Variants in KIRREL3 observed in about 807,000 individuals in gnomAD.
KIRREL3 encodes the protein kirre like nephrin family adhesion molecule 3.
Under a neutral mutation model 89.7 loss-of-function variants are expected in KIRREL3, and 36 were observed. The observed-to-expected ratio is 0.40, with a 90% CI of 0.31 to 0.53. KIRREL3 has a LOEUF of 0.53. Among genes scored for constraint, KIRREL3 ranks in the 20% least tolerant of loss-of-function variants. The probability of loss-of-function intolerance (pLI) is 0.49; values close to 1 mark genes in which losing one functional copy is unlikely to be tolerated. For synonymous variants in KIRREL3, 445 were observed against 441.4 expected (o/e 1.01, Z -0.10); for missense variants, 864 against 1,056.6 (o/e 0.82, Z 2.53).
Position 126,563,352 on chromosome 11 carries a change from A to G in KIRREL3, c.56-440T>C, listed in dbSNP as rs150401374. 0.018 allele frequency among the ~76,000 whole-genome samples: 2,711 copies of G among 152,284 alleles called. 44 individuals carry two copies. Among genetic ancestry groups the G allele is most frequent in the Middle Eastern group, 0.041 (12 of 294 alleles). On this transcript the variant is annotated intron_variant, in intron 1 of 16. Coordinates refer to ENST00000525144, the MANE Select transcript of KIRREL3 (RefSeq NM_032531.4). The surrounding 1 kb of genome is among the most constrained non-coding windows in gnomAD (Gnocchi z 6.8). ...ACCTGCCAGGGATGATGCAGAATCT[A>G]TCCAGTCGTGTCTAGGATGGAACAG...
At chr11:126,518,893 C>T (rs55701037) in intron 4 of KIRREL3, among the ~76,000 whole-genome samples, 19,985 of 152,266 alleles carry the variant, frequency 0.13, 1,592 homozygotes, top group Middle Eastern at 0.18. Flanking sequence ...CCCAGGGAGT[C>T]AGCGAGGACT....
rs932461743 is a variant in KIRREL3, at chr11:126,623,795, A to G, written c.56-60883T>C. Among the ~76,000 whole-genome samples the G allele has an allele frequency of 2.6e-5, 4 of 152,150 alleles. No homozygotes were observed. Among genetic ancestry groups the G allele is most frequent in the African/African-American group, 9.7e-5 (4 of 41,412 alleles). On this transcript the variant is annotated intron_variant, in intron 1 of 16. Coordinates refer to ENST00000525144, the MANE Select transcript of KIRREL3 (RefSeq NM_032531.4). This position sits in a 1 kb window ranked among gnomAD's most constrained non-coding sequence, Gnocchi z 4.1. ...AAATTCTAGGTTCTCAAGAAAATAA[A>G]CAAACCAACTTACAGAAAACCCCTT...
At chr11:126,670,408 G>C (rs550348149) in intron 1 of KIRREL3, among the ~76,000 whole-genome samples, 42 of 152,258 alleles carry the variant, frequency 2.8e-4, no homozygotes, top group Non-Finnish European at 4.6e-4. Flanking sequence ...GAGAATATCT[G>C]TTCTCACCAC....
intron 4 of KIRREL3, among the ~76,000 whole-genome samples, chr11:126,488,857 G>GC (rs1192233394): frequency 2.6e-5 from 4 of 152,142 alleles, no homozygotes; most frequent in Non-Finnish European, 4.4e-5. Context: ...CAGCACCCAG[G>GC]CCTGGCCACC....
intron 1 of KIRREL3, among the ~76,000 whole-genome samples, chr11:126,907,841 T>C (rs1311081065): frequency 6.6e-6 from 1 of 152,016 alleles, no homozygotes; most frequent in East Asian, 1.9e-4. Context: ...ACTTTTGAGT[T>C]CCCCCATCAA....
Position 126,761,185 on chromosome 11 carries a change from C to T in KIRREL3, c.56-198273G>A, listed in dbSNP as rs1949656604. Among the ~76,000 whole-genome samples, 2 of 152,192 alleles carry T rather than the reference C, an allele frequency of 1.3e-5. No homozygotes were observed. Among genetic ancestry groups the T allele is most frequent in the Admixed American group, 1.3e-4 (2 of 15,278 alleles). ...GATCATTCTGAGAAGAATGGAAACA[C>T]TGGGAAGATATGGTGTTGGCAGGGA... On this transcript the variant is annotated intron_variant, in intron 1 of 16. Transcript: ENST00000525144. The surrounding 1 kb of genome is among the most constrained non-coding windows in gnomAD (Gnocchi z 4.4).
In KIRREL3 at chr11:126,995,451, G is replaced by C. The variant is rs1458610267; in HGVS notation, c.55+5004C>G. On this transcript the variant is annotated intron_variant, in intron 1 of 16. Coordinates refer to ENST00000525144, the MANE Select transcript of KIRREL3 (RefSeq NM_032531.4). This position sits in a 1 kb window ranked among gnomAD's most constrained non-coding sequence, Gnocchi z 6.5. ...GATGGACCCCAATAAAAAAACGCCT[G>C]CACTGTTTTTCACCTAAGGTCATCT... is the stretch of plus-strand genomic sequence containing the variant. The C allele has an allele frequency of 2.5e-6, 1 of 396,726 alleles. No individual in the cohort carries two copies. The highest frequency in any genetic ancestry group is 5.0e-6 in the Non-Finnish European group (1 of 201,476). 24.6% of individuals were successfully genotyped at this position (396,726 alleles called of 1,614,324 possible). A position where few individuals can be genotyped will look rare whatever the true frequency, so the allele number is the denominator to read the frequency against.
rs1380989392 is a variant in KIRREL3 at position 126,685,462 on chromosome 11, G to A, written c.56-122550C>T. On this transcript the variant is annotated intron_variant, in intron 1 of 16. Coordinates refer to ENST00000525144, the MANE Select transcript of KIRREL3 (RefSeq NM_032531.4). The surrounding 1 kb of genome is among the most constrained non-coding windows in gnomAD (Gnocchi z 5.5). ...ACTTCCCACCTCCACACAAGCTGAT[G>A]AGACTGGCTCAGAAAAGGGGTCTGC... Among the ~76,000 whole-genome samples, 1 of 152,190 alleles carries A rather than the reference G, an allele frequency of 6.6e-6. No homozygotes were observed. The highest frequency in any genetic ancestry group is 2.4e-5 in the African/African-American group (1 of 41,444).
In KIRREL3 at chr11:126,754,552, C is replaced by T. The variant is rs1478136135; in HGVS notation, c.56-191640G>A. Among the ~76,000 whole-genome samples, 6 of 151,982 alleles carry T rather than the reference C, an allele frequency of 3.9e-5. No homozygotes were observed. The highest frequency in any genetic ancestry group is 8.8e-5 in the Non-Finnish European group (6 of 68,006). ...ACAAACTGCATGTCTTTGCTAGATA[C>T]CGCTGAAGGGGATCGTCTGCGAAGA... On this transcript the variant is annotated intron_variant, in intron 1 of 16. Coordinates refer to ENST00000525144, the MANE Select transcript of KIRREL3 (RefSeq NM_032531.4). This position sits in a 1 kb window ranked among gnomAD's most constrained non-coding sequence, Gnocchi z 5.1.
At position 126,474,742 on chromosome 11, in the gene KIRREL3, A is replaced by T. The variant is rs928520357; in HGVS notation, c.434-1276T>A. Among the ~76,000 whole-genome samples the T allele has an allele frequency of 6.6e-6, 1 of 152,198 alleles. No homozygotes were observed. Among genetic ancestry groups the T allele is most frequent in the Non-Finnish European group, 1.5e-5 (1 of 68,028 alleles). On this transcript the variant is annotated intron_variant, in intron 4 of 16. Transcript: ENST00000525144. This position sits in a 1 kb window ranked among gnomAD's most constrained non-coding sequence, Gnocchi z 6.7. Reference sequence around the variant, plus strand: ...CCAGCACAGAGCCCTGTGCTGGGGAAACTCCACTGACATTTGCTGGCCCCA... The same window carrying T: ...CCAGCACAGAGCCCTGTGCTGGGGATACTCCACTGACATTTGCTGGCCCCA...
chr11:126,478,425 G>T (rs893747853), intron 4 of KIRREL3, among the ~76,000 whole-genome samples: 2 of 151,952 alleles, frequency 1.3e-5, no homozygotes, highest in Non-Finnish European at 2.9e-5. Flanking sequence ...TTAAATAAAA[G>T]AATCTCAGAA....
Position 126,594,255 on chromosome 11 carries a change from AGGGTAGGGCTG to A in KIRREL3, c.56-31354_56-31344del, listed in dbSNP as rs1942283999. 1.3e-5 allele frequency among the ~76,000 whole-genome samples: 2 copies of A among 152,076 alleles called. No individual in the cohort carries two copies. Among genetic ancestry groups the A allele is most frequent in the Non-Finnish European group, 2.9e-5 (2 of 68,006 alleles). On this transcript the variant is annotated intron_variant, in intron 1 of 16. Coordinates refer to ENST00000525144, the MANE Select transcript of KIRREL3 (RefSeq NM_032531.4). This position sits in a 1 kb window ranked among gnomAD's most constrained non-coding sequence, Gnocchi z 5.0. ...CTGGTGAAAACTAACAGTAAGGTGA[AGGGTAGGGCTG>A]GGGGCTGGGTCGGAGCCACAGGATT...
rs1356169065 is a variant in KIRREL3, at chr11:126,983,816, A to G, written c.55+16639T>C. ...GCCACTACGTCTGTGGTAACATGTT[A>G]ACAGCAGCACTGGGAAACAAATACA... On this transcript the variant is annotated intron_variant, in intron 1 of 16. Transcript: ENST00000525144. The surrounding 1 kb of genome is among the most constrained non-coding windows in gnomAD (Gnocchi z 4.9). Among the ~76,000 whole-genome samples, 1 of 152,202 alleles carries G rather than the reference A, an allele frequency of 6.6e-6. No homozygotes were observed. Among genetic ancestry groups the G allele is most frequent in the Non-Finnish European group, 1.5e-5 (1 of 68,040 alleles).
chr11:126,881,913 G>T (rs1218183397), intron 1 of KIRREL3, among the ~76,000 whole-genome samples: 1 of 152,168 alleles, frequency 6.6e-6, no homozygotes, highest in Non-Finnish European at 1.5e-5. Flanking sequence ...AAAACTGCTA[G>T]GGAATCAGAA....
In KIRREL3 at chr11:126,694,613, C is replaced by G. The variant is rs747249427; in HGVS notation, c.56-131701G>C. On this transcript the variant is annotated intron_variant, in intron 1 of 16. Transcript: ENST00000525144. This position sits in a 1 kb window ranked among gnomAD's most constrained non-coding sequence, Gnocchi z 4.4. ...TCTGCTCTTGTGGATGAATGAATGGCGGTGACAAATCAAACTTTAATCTGG... is the reference window on the plus strand; with the variant it reads ...TCTGCTCTTGTGGATGAATGAATGGGGGTGACAAATCAAACTTTAATCTGG... 1.3e-5 allele frequency among the ~76,000 whole-genome samples: 2 copies of G among 152,198 alleles called. No individual in the cohort carries two copies. Among genetic ancestry groups the G allele is most frequent in the South Asian group, 4.1e-4 (2 of 4,820 alleles).
chr11:126,735,934 C>T (rs1948785747), intron 1 of KIRREL3, among the ~76,000 whole-genome samples: 1 of 152,212 alleles, frequency 6.6e-6, no homozygotes, highest in African/African-American at 2.4e-5. Flanking sequence ...TTCCAGGCCC[C>T]CACCTTCCAG....
chr11:126,749,150 A>G (rs543682584), intron 1 of KIRREL3, among the ~76,000 whole-genome samples: 8 of 152,160 alleles, frequency 5.3e-5, no homozygotes, highest in Non-Finnish European at 8.8e-5. Flanking sequence ...GTTGACGGCT[A>G]TGGCACCTTG....
At position 126,476,914 on chromosome 11, in the gene KIRREL3, G is replaced by A. The variant is rs73031050; in HGVS notation, c.434-3448C>T. Among the ~76,000 whole-genome samples the A allele has an allele frequency of 9.6e-4, 146 of 152,346 alleles. No homozygotes were observed. Among genetic ancestry groups the A allele is most frequent in the Non-Finnish European group, 1.7e-3 (119 of 68,036 alleles). On this transcript the variant is annotated intron_variant, in intron 4 of 16. Transcript: ENST00000525144. This position sits in a 1 kb window ranked among gnomAD's most constrained non-coding sequence, Gnocchi z 6.4. ...ATTATCCTCAACCACTATAGAGTTT[G>A]GGCTTCTAATTTTTAATCACAAGGA...
At chr11:126,440,664 G>A (rs1307230900) in intron 10 of KIRREL3, 115 bp from the exon 11 acceptor site, 1 of 968,548 alleles carries the variant, frequency 1.0e-6, no homozygotes, top group Non-Finnish European at 1.6e-6. Flanking sequence ...AACATTTGCC[G>A]AAGGCCTGTA....
Sources: gnomAD v4.1 joint callset for allele counts (sites outside exome capture counted in the v4.1 genomes callset) on GRCh38, gnomAD v4.1.1 for gene constraint, Gnocchi (gnomAD v3.1) non-coding constraint, MANE v1.5 for transcripts, NCBI Gene and HGNC (gene_info 2026-07-23, HGNC 2026-07-21) for gene names.